MUC17: variants seen among roughly 807,000 people sequenced by gnomAD.
The protein encoded by MUC17 is mucin-17.
Under a neutral mutation model 170.3 loss-of-function variants are expected in MUC17, and 190 were observed. That is an observed-to-expected ratio of 1.12 (90% confidence interval 0.99 to 1.26). The LOEUF (loss-of-function observed/expected upper bound fraction) is 1.26, where lower values mean the gene tolerates loss of function less well. Ranked by LOEUF, MUC17 falls within the 50% of genes most tolerant of loss-of-function variation. The probability of loss-of-function intolerance (pLI) is 0.00; values close to 1 mark genes in which losing one functional copy is unlikely to be tolerated. For missense variants in MUC17, 6,415 were observed against 5,530.0 expected, an observed-to-expected ratio of 1.16 and a Z score of -5.08; for synonymous variants, 2,325 against 2,002.5, an observed-to-expected ratio of 1.16 and a Z score of -4.30.
intron 7 of MUC17, among the ~76,000 whole-genome samples, chr7:101,050,840 ATT>A (rs766929626): frequency 6.6e-6 from 1 of 151,948 alleles, no homozygotes; most frequent in Non-Finnish European, 1.5e-5. Context: ...CCTCTGGCCC[ATT>A]TTTTTCCCTG....
chr7:101,030,996 T>C (rs1240214598), intron 1 of MUC17, 124 bp from the exon 2 acceptor site: 1 of 1,229,432 alleles, frequency 8.1e-7, no homozygotes. Context: ...GATTTCTAAC[T>C]AAAATCAGCA....
chr7:101,042,587 C>G lies in MUC17; in HGVS notation c.11171C>G (p.Pro3724Arg). 1 of 1,614,132 alleles carries G rather than the reference C, an allele frequency of 6.2e-7. No individual in the cohort carries two copies. Among genetic ancestry groups the G allele is most frequent in the South Asian group, 1.1e-5 (1 of 91,078 alleles). ...LSTPSVVTST[P>R]VTTSTEAISS... is the part of the protein sequence containing the mutation. Reference sequence around the variant, plus strand: ...ACACCTTCTGTTGTCACCAGCACACCTGTGACCACTTCTACTGAAGCCATT... The same window carrying G: ...ACACCTTCTGTTGTCACCAGCACACGTGTGACCACTTCTACTGAAGCCATT... The change falls in exon 3 of 13, where the codon CCT (proline) becomes CGT (arginine). Residue 3724 changes from proline (P) to arginine (R), a missense_variant. Physicochemically the swap from Pro to Arg is moderately radical, Grantham distance 103. Coordinates refer to ENST00000306151, the MANE Select transcript of MUC17 (RefSeq NM_001040105.2).
In MUC17 at chr7:101,034,140, T is replaced by C; in HGVS notation, c.2724T>C (p.Thr908=). Reference sequence around the variant, plus strand: ...CTGAAGCCCGTTCGTCTCCTACAACTTCTGAAGGTACCAGCATGCCAACCT... The same window carrying C: ...CTGAAGCCCGTTCGTCTCCTACAACCTCTGAAGGTACCAGCATGCCAACCT... The part of the protein sequence containing the change: ...NSTEARSSPT[T]SEGTSMPTST... Residue 908 remains threonine (T), a synonymous_variant, in exon 3 of 13, where the codon ACT becomes ACC. Transcript: ENST00000306151. 1 of 1,582,492 alleles carries C rather than the reference T, an allele frequency of 6.3e-7. No individual in the cohort carries two copies. The highest frequency in any genetic ancestry group is 1.1e-5 in the South Asian group (1 of 86,972).
rs1306542721 is a variant in MUC17 at position 101,049,347 on chromosome 7, C to T, written c.12687C>T (p.Ile4229=). 1 of 1,613,826 alleles carries T rather than the reference C, an allele frequency of 6.2e-7. No homozygotes were observed. The highest frequency in any genetic ancestry group is 1.3e-5 in the African/African-American group (1 of 74,900). Residue 4229 remains isoleucine (I), a synonymous_variant, in exon 6 of 13, where the codon ATC becomes ATT. Transcript: ENST00000306151. ...AGATGAATATTGTGTATTCCGGGAT[C>T]CCTGAGTATGTCGGGGTGAACATCA... ...TEQMNIVYSG[I]PEYVGVNITK...
Position 101,036,301 on chromosome 7 carries a change from G to A in MUC17, c.4885G>A (p.Gly1629Arg), listed in dbSNP as rs375103172. 6 of 1,613,750 alleles carry A rather than the reference G, an allele frequency of 3.7e-6. No individual in the cohort carries two copies. The highest frequency in any genetic ancestry group is 1.3e-5 in the African/African-American group (1 of 74,810). Reference protein sequence around the residue: ...SSMTISTPSEGSPLLTSIPVS... With the variant: ...SSMTISTPSERSPLLTSIPVS... ...CATGACAATCTCAACTCCTAGTGAA[G>A]GAAGTCCTCTATTAACAAGTATACC... Residue 1629 changes from glycine (G) to arginine (R), a missense_variant, in exon 3 of 13, where the codon GGA becomes AGA. Physicochemically the swap from Gly to Arg is moderately radical, Grantham distance 125. Transcript: ENST00000306151.
rs144740371 is a variant in MUC17, at chr7:101,040,365, C to A, written c.8949C>A (p.Gly2983=). Residue 2983 remains glycine (G), a synonymous_variant, in exon 3 of 13, where the codon GGC becomes GGA. Coordinates refer to ENST00000306151, the MANE Select transcript of MUC17 (RefSeq NM_001040105.2). The part of the protein sequence containing the change: ...EGTSMPISTP[G]ERRTPLTSMS... ...CCAGCATGCCAATCTCAACTCCTGG[C>A]GAAAGAAGAACTCCATTAACAAGTA... 8.6e-5 allele frequency: 137 copies of A among 1,586,208 alleles called. No homozygotes were observed. The East Asian group carries it at 1.5e-3, about 17-fold the overall frequency.
chr7:101,048,748 A>G, intron 4 of MUC17, 97 bp from the exon 5 acceptor site: 1 of 1,393,440 alleles, frequency 7.2e-7, no homozygotes. Flanking sequence ...TTTTACCATA[A>G]AATACAATGG....
intron 1 of MUC17, among the ~76,000 whole-genome samples, chr7:101,023,451 A>C (rs868175839): frequency 1.3e-5 from 2 of 152,152 alleles, no homozygotes; most frequent in Non-Finnish European, 1.5e-5. Flanking sequence ...CAGTGACACT[A>C]TCTCAGCTCA....
At chr7:101,047,952 T>G in intron 3 of MUC17, 32 bp from the exon 4 acceptor site, 2 of 1,544,314 alleles carry the variant, frequency 1.3e-6, no homozygotes, top group Non-Finnish European at 1.7e-6. Context: ...ATGGAGGAAC[T>G]TGGAAAGAAA....
At chr7:101,044,659 G>A (rs1233744882) in intron 3 of MUC17, among the ~76,000 whole-genome samples, 2 of 152,070 alleles carry the variant, frequency 1.3e-5, no homozygotes, top group Non-Finnish European at 2.9e-5. Context: ...TATTCTGCAG[G>A]TCTCTATTCC....
At position 101,031,221 on chromosome 7, in the gene MUC17, G is replaced by A. The variant is rs771397257; in HGVS notation, c.184G>A (p.Gly62Ser). The part of the protein sequence containing the change: ...CQQLSQHVRT[G>S]SAANTATGTT... Reference sequence around the variant, plus strand: ...GCAGCTGTCTCAGCACGTTAGGACAGGTAAGGCAACAGACTCCAAGATCTA... The same window carrying A: ...GCAGCTGTCTCAGCACGTTAGGACAAGTAAGGCAACAGACTCCAAGATCTA... The change falls in exon 2 of 13, where the codon GGT becomes AGT. Residue 62 changes from glycine to serine, a missense_variant and splice_region_variant. Transcript: ENST00000306151. 6.2e-7 allele frequency: 1 copy of A among 1,611,466 alleles called. No individual in the cohort carries two copies. The highest frequency in any genetic ancestry group is 2.2e-5 in the East Asian group (1 of 44,812).
At chr7:101,050,431 C>G in intron 6 of MUC17, 53 bp from the exon 7 acceptor site, 1 of 1,578,646 alleles carries the variant, frequency 6.3e-7, no homozygotes, top group Non-Finnish European at 8.6e-7. Flanking sequence ...GGTACAGATT[C>G]TAGAGGTAAG....
Position 101,036,193 on chromosome 7 carries a change from C to A in MUC17, c.4777C>A (p.Leu1593Ile). The A allele has an allele frequency of 6.2e-7, 1 of 1,614,018 alleles. No homozygotes were observed. Among genetic ancestry groups the A allele is most frequent in the Non-Finnish European group, 8.5e-7 (1 of 1,179,970 alleles). ...MLVVSSEANT[L>I]STTPIDSKTQ... is the part of the protein sequence containing the mutation. ...GGTGGTCAGTTCTGAGGCTAACACC[C>A]TTTCAACAACCCCTATTGACTCCAA... The change falls in exon 3 of 13, where the codon CTT becomes ATT. Residue 1593 changes from leucine to isoleucine, a missense_variant. By Grantham distance (5) the Leu-to-Ile change is conservative. Coordinates refer to ENST00000306151, the MANE Select transcript of MUC17 (RefSeq NM_001040105.2).
Position 101,043,165 on chromosome 7 carries a change from A to G in MUC17, c.11749A>G (p.Thr3917Ala), listed in dbSNP as rs1407802416. 6.2e-7 allele frequency: 1 copy of G among 1,614,078 alleles called. No homozygotes were observed. The highest frequency in any genetic ancestry group is 8.5e-7 in the Non-Finnish European group (1 of 1,180,012). The change falls in exon 3 of 13, where the codon ACA (threonine) becomes GCA (alanine). Residue 3917 changes from threonine to alanine, a missense_variant. Coordinates refer to ENST00000306151, the MANE Select transcript of MUC17 (RefSeq NM_001040105.2). ...TTCTACTGACACTGCCTCAACTCCC[A>G]CAATTCCTGTAGCCACCACCATATC... Reference protein sequence around the residue: ...TPSTDTASTPTIPVATTISVS... With the variant: ...TPSTDTASTPAIPVATTISVS...
Position 101,032,445 on chromosome 7 carries a change from C to A in MUC17, c.1029C>A (p.Thr343=), listed in dbSNP as rs986812965. Residue 343 remains threonine, a synonymous_variant, in exon 3 of 13, where the codon ACC becomes ACA. Coordinates refer to ENST00000306151, the MANE Select transcript of MUC17 (RefSeq NM_001040105.2). Reference sequence around the variant, plus strand: ...CATTAACAAGTACGCCTGCCAGCACCATGCCGGTTGCCACTTCTGAAATGA... The same window carrying A: ...CATTAACAAGTACGCCTGCCAGCACAATGCCGGTTGCCACTTCTGAAATGA... ...STPLTSTPAS[T]MPVATSEMST... The A allele has an allele frequency of 1.2e-6, 2 of 1,613,672 alleles. No homozygotes were observed. Among genetic ancestry groups the A allele is most frequent in the Non-Finnish European group, 1.7e-6 (2 of 1,179,816 alleles).
rs1463385311 is a variant in MUC17, at chr7:101,051,971, T to TC, written c.13103+14dup. On this transcript the variant is annotated intron_variant, in intron 9 of 12. Coordinates refer to ENST00000306151, the MANE Select transcript of MUC17 (RefSeq NM_001040105.2). The stretch of plus-strand genomic sequence containing the variant: ...AGTGGACCTCAGTGCCTGTGAGTGC[T>TC]CCCCCATCTCCTCCAGCCCAGCCCA... The TC allele has an allele frequency of 3.1e-6, 5 of 1,606,354 alleles. No individual in the cohort carries two copies. The highest frequency in any genetic ancestry group is 4.3e-6 in the Non-Finnish European group (5 of 1,174,594).
chr7:101,058,326 T>C lies in MUC17; in HGVS notation c.*282T>C. The stretch of plus-strand genomic sequence containing the variant: ...ATTTGAGGGTACTCTGACTGCAACA[T>C]CTTTCACCCCATTGATCGCCAGGAT... On this transcript the variant is annotated 3_prime_UTR_variant, in exon 13 of 13. Coordinates refer to ENST00000306151, the MANE Select transcript of MUC17 (RefSeq NM_001040105.2). 1 of 310,890 alleles carries C rather than the reference T, an allele frequency of 3.2e-6. No homozygotes were observed. Among genetic ancestry groups the C allele is most frequent in the African/African-American group, 2.1e-5 (1 of 46,986 alleles). 19.3% of individuals were successfully genotyped at this position (310,890 alleles called of 1,614,324 possible). A position where few individuals can be genotyped will look rare whatever the true frequency, so the allele number is the denominator to read the frequency against.
At position 101,036,579 on chromosome 7, in the gene MUC17, G is replaced by A. The variant is rs1794486935; in HGVS notation, c.5163G>A (p.Val1721=). 1 of 1,613,440 alleles carries A rather than the reference G, an allele frequency of 6.2e-7. No individual in the cohort carries two copies. Among genetic ancestry groups the A allele is most frequent in the Non-Finnish European group, 8.5e-7 (1 of 1,179,638 alleles). ...STTPVDNSTP[V]TTSTEARSSP... The stretch of plus-strand genomic sequence containing the variant: ...CTCCCGTTGACAACAGCACACCTGT[G>A]ACCACTTCTACTGAAGCCCGTTCAT... Residue 1721 remains valine (V), a synonymous_variant, in exon 3 of 13, where the codon GTG becomes GTA. Transcript: ENST00000306151.
chr7:101,030,010 CT>C (rs1794248322), intron 1 of MUC17, among the ~76,000 whole-genome samples: 1 of 152,120 alleles, frequency 6.6e-6, no homozygotes, highest in African/African-American at 2.4e-5. Context: ...TTCCCAAGTA[CT>C]TAAGAAATTC....
Sources: gnomAD v4.1 joint callset for allele counts (sites outside exome capture counted in the v4.1 genomes callset) on GRCh38, gnomAD v4.1.1 for gene constraint, MANE v1.5 for transcripts, NCBI Gene and HGNC (gene_info 2026-07-23, HGNC 2026-07-21) for gene names.